LEKR1: variants seen among roughly 807,000 people sequenced by gnomAD.
The protein encoded by LEKR1 is protein LEKR1.
A neutral mutation model predicts 72.4 loss-of-function variants in LEKR1; 59 were observed. The observed-to-expected ratio is 0.82, with a 90% CI of 0.66 to 1.01. LEKR1 has a LOEUF of 1.01. LEKR1 is among the 50% of genes least tolerant of loss of function. The pLI is 0.00. For missense variants in LEKR1, 728 were observed against 759.2 expected, an observed-to-expected ratio of 0.96 and a Z score of 0.48; for synonymous variants, 257 against 263.2, an observed-to-expected ratio of 0.98 and a Z score of 0.23.
intron 11 of LEKR1, 36 bp from the exon 12 acceptor site, chr3:157,028,067 T>C (rs373379862): frequency 1.5e-6 from 2 of 1,367,866 alleles, no homozygotes; most frequent in Non-Finnish European, 2.0e-6. Context: ...ACCTAGAAAC[T>C]ATCGCCTACA....
chr3:157,044,073 T>C (rs189277628), intron 12 of LEKR1, among the ~76,000 whole-genome samples: 1 of 152,332 alleles, frequency 6.6e-6, no homozygotes, highest in Non-Finnish European at 1.5e-5. Flanking sequence ...TGGTGCTTTG[T>C]TATTTAGTTC....
intron 3 of LEKR1, among the ~76,000 whole-genome samples, chr3:156,883,174 G>A (rs1011321525): frequency 1.7e-4 from 25 of 150,278 alleles, no homozygotes; most frequent in Non-Finnish European, 3.0e-4. Flanking sequence ...ACGAAAGAAA[G>A]AAAAAAAAAG....
intron 2 of LEKR1, among the ~76,000 whole-genome samples, chr3:156,843,894 CT>C (rs1215638610): frequency 6.6e-6 from 1 of 151,772 alleles, no homozygotes; most frequent in African/African-American, 2.4e-5. Flanking sequence ...TTATTAAAAC[CT>C]TATGACAAAG....
rs764506659 is a variant in LEKR1, at chr3:156,888,271, G to A, written c.264-32304G>A. 3.6e-5 allele frequency: 25 copies of A among 696,780 alleles called. 1 individual carries two copies. The Middle Eastern group carries it at 1.1e-3, about 32-fold the overall frequency. The allele number at this position is 696,780 out of a possible 1,614,324, so 43.2% of individuals were successfully genotyped here. ...AGGAAATGCACAGTTGATATAAATC[G>A]TAATGTTTATGTTCAATCTTAACAG... On this transcript the variant is annotated intron_variant, in intron 3 of 12. Transcript: ENST00000356539.
chr3:156,918,289 C>T (rs1339594371), intron 3 of LEKR1, among the ~76,000 whole-genome samples: 1 of 152,078 alleles, frequency 6.6e-6, no homozygotes, highest in Non-Finnish European at 1.5e-5. Context: ...TTCTAAGTAA[C>T]AGAATATATC....
At position 156,852,949 on chromosome 3, in the gene LEKR1, A is replaced by G. The variant is rs1321828338; in HGVS notation, c.230A>G (p.Gln77Arg). The change falls in exon 3 of 13, where the codon CAG (glutamine) becomes CGG (arginine). Residue 77 changes from glutamine to arginine, a missense_variant. Coordinates refer to ENST00000356539, the MANE Select transcript of LEKR1 (RefSeq NM_001004316.3). ...CATTCTCTTAGCCAAGAACTTGAAC[A>G]GTACAAAATTGACAACAAATCCAAA... Reference protein sequence around the residue: ...KLHSLSQELEQYKIDNKSKTE... With the variant: ...KLHSLSQELERYKIDNKSKTE... The G allele has an allele frequency of 2.0e-6, 3 of 1,535,738 alleles. No homozygotes were observed. The highest frequency in any genetic ancestry group is 1.7e-6 in the Non-Finnish European group (2 of 1,145,984).
intron 3 of LEKR1, among the ~76,000 whole-genome samples, chr3:156,855,465 G>A (rs1715948273): frequency 6.6e-6 from 1 of 151,946 alleles, no homozygotes; most frequent in Middle Eastern, 3.2e-3. Flanking sequence ...ATGTTATTGG[G>A]TTATTTGCTT....
At chr3:156,844,628 G>A (rs1234402303) in intron 2 of LEKR1, among the ~76,000 whole-genome samples, 1 of 149,898 alleles carries the variant, frequency 6.7e-6, no homozygotes, top group Non-Finnish European at 1.5e-5. Flanking sequence ...GTAATATTTT[G>A]GGATTAGCTT....
intron 2 of LEKR1, among the ~76,000 whole-genome samples, chr3:156,835,760 C>G (rs1713029633): frequency 6.6e-6 from 1 of 151,672 alleles, no homozygotes; most frequent in Non-Finnish European, 1.5e-5. Context: ...TAAAAGTTCT[C>G]TCGTAAAGCC....
At chr3:156,860,592 G>A (rs1028588285) in intron 3 of LEKR1, among the ~76,000 whole-genome samples, 50 of 152,142 alleles carry the variant, frequency 3.3e-4, no homozygotes, top group African/African-American at 1.2e-3. Context: ...ATTTACAAAT[G>A]GAGAGAATTG....
At chr3:157,002,896 C>G (rs1402647561) in intron 9 of LEKR1, among the ~76,000 whole-genome samples, 1 of 152,078 alleles carries the variant, frequency 6.6e-6, no homozygotes, top group Non-Finnish European at 1.5e-5. Flanking sequence ...CAAAAGGTTA[C>G]ATTTAACATG....
chr3:156,946,694 C>T (rs1012241264), intron 6 of LEKR1, among the ~76,000 whole-genome samples: 26 of 151,254 alleles, frequency 1.7e-4, no homozygotes, highest in African/African-American at 6.3e-4. Flanking sequence ...TCAACTGAAA[C>T]GATCCTATGA....
chr3:156,915,537 A>C (rs559574470), intron 3 of LEKR1, among the ~76,000 whole-genome samples: 1 of 151,656 alleles, frequency 6.6e-6, no homozygotes, highest in Non-Finnish European at 1.5e-5. Flanking sequence ...TCATATGCTC[A>C]TTGGCCACAT....
chr3:156,943,234 C>T lies in LEKR1; in HGVS notation c.745+520C>T, dbSNP rs146734235. On this transcript the variant is annotated intron_variant, in intron 6 of 12. Transcript: ENST00000356539. Reference sequence around the variant, plus strand: ...AATCAGAAGAATGATATCACAAAAGCAGAATTTTAGACAAATTAATCTGTT... The same window carrying T: ...AATCAGAAGAATGATATCACAAAAGTAGAATTTTAGACAAATTAATCTGTT... 2.6e-5 allele frequency among the ~76,000 whole-genome samples: 4 copies of T among 151,918 alleles called. No homozygotes were observed. In the East Asian group the frequency reaches 7.7e-4, roughly 29 times the overall value.
intron 3 of LEKR1, among the ~76,000 whole-genome samples, chr3:156,910,551 A>G (rs1453595660): frequency 6.6e-6 from 1 of 152,184 alleles, no homozygotes; most frequent in Non-Finnish European, 1.5e-5. Flanking sequence ...AAACCTCAGC[A>G]TCACCCATAT....
At chr3:157,027,905 G>A (rs1284252180) in intron 11 of LEKR1, among the ~76,000 whole-genome samples, 198 bp from the exon 12 acceptor site, 1 of 152,142 alleles carries the variant, frequency 6.6e-6, no homozygotes, top group Non-Finnish European at 1.5e-5. Context: ...AGTGATTAAT[G>A]TGATACTGTT....
At chr3:156,961,547 G>A (rs544108327) in intron 6 of LEKR1, among the ~76,000 whole-genome samples, 16 of 152,200 alleles carry the variant, frequency 1.1e-4, no homozygotes, top group African/African-American at 2.9e-4. Flanking sequence ...TGTGTGTGGC[G>A]TCTTTCACTT....
At chr3:156,828,287 C>T (rs942843069) in intron 1 of LEKR1, among the ~76,000 whole-genome samples, 18 of 152,310 alleles carry the variant, frequency 1.2e-4, no homozygotes, top group Non-Finnish European at 2.1e-4. Flanking sequence ...TACGGTTTCC[C>T]TGCTACCTTG....
At chr3:156,894,124 C>T (rs1174782731) in intron 3 of LEKR1, among the ~76,000 whole-genome samples, 2 of 152,184 alleles carry the variant, frequency 1.3e-5, no homozygotes, top group Non-Finnish European at 2.9e-5. Flanking sequence ...TCATCTTGGT[C>T]AGGAGTATCC....
Sources: allele counts gnomAD v4.1 joint callset (sites outside exome capture counted in the v4.1 genomes callset), GRCh38; gene constraint gnomAD v4.1.1; transcripts MANE v1.5; gene names NCBI Gene and HGNC (gene_info 2026-07-23, HGNC 2026-07-21).